USP40: variants seen among roughly 807,000 people sequenced by gnomAD.
USP40 encodes the protein ubiquitin carboxyl-terminal hydrolase 40.
Under a neutral mutation model 166.2 loss-of-function variants are expected in USP40, and 143 were observed. The observed-to-expected ratio is 0.86, with a 90% CI of 0.75 to 0.99. USP40 has a LOEUF of 0.99. Ranked by LOEUF, USP40 falls within the 50% of genes least tolerant of loss-of-function variation. The pLI is 0.00. For synonymous variants in USP40, 498 were observed against 524.0 expected, an observed-to-expected ratio of 0.95 and a Z score of 0.68; for missense variants, 1,444 against 1,479.7, an observed-to-expected ratio of 0.98 and a Z score of 0.40.
chr2:233,524,091 A>G (rs1470335921), intron 15 of USP40, among the ~76,000 whole-genome samples: 1 of 152,156 alleles, frequency 6.6e-6, no homozygotes, highest in Non-Finnish European at 1.5e-5. Flanking sequence ...TAGTTTTCTA[A>G]TATCTAATTG....
In USP40 at chr2:233,476,153, C is replaced by T. The variant is rs1236934348; in HGVS notation, c.*1239G>A. The stretch of plus-strand genomic sequence containing the variant: ...TGAGGGACAAAGCAGGCCGCTGGCT[C>T]AGCATCAGCTTGTTGGAAAAGGGTC... On this transcript the variant is annotated 3_prime_UTR_variant, in exon 32 of 32. Transcript: ENST00000678225. 6.6e-6 allele frequency: 1 copy of T among 152,426 alleles called. No individual in the cohort carries two copies. The highest frequency in any genetic ancestry group is 2.4e-5 in the African/African-American group (1 of 41,468). The allele number at this position is 152,426 out of a possible 1,614,324, so 9.4% of individuals were successfully genotyped here. A position where few individuals can be genotyped will look rare whatever the true frequency, so the allele number is the denominator to read the frequency against.
At chr2:233,517,603 G>A (rs1348911928) in intron 18 of USP40, among the ~76,000 whole-genome samples, 1 of 152,092 alleles carries the variant, frequency 6.6e-6, no homozygotes, top group Non-Finnish European at 1.5e-5. Context: ...TAGCCAGGAT[G>A]GTCTTGATCT....
intron 8 of USP40, chr2:233,542,659 C>A: frequency 8.4e-6 from 2 of 237,974 alleles, no homozygotes; most frequent in Non-Finnish European, 1.6e-5. Context: ...GCATGGATGA[C>A]ACAGAGCAAG....
chr2:233,559,068 C>T (rs1344175921), intron 4 of USP40, among the ~76,000 whole-genome samples: 1 of 152,198 alleles, frequency 6.6e-6, no homozygotes, highest in Non-Finnish European at 1.5e-5. Context: ...TGCAGGATTA[C>T]ATCCATCTAT....
chr2:233,550,299 C>T (rs1037372140), intron 7 of USP40, among the ~76,000 whole-genome samples: 3 of 152,010 alleles, frequency 2.0e-5, no homozygotes, highest in African/African-American at 7.2e-5. Context: ...ATGTGGACTT[C>T]CTATATAAGT....
chr2:233,534,407 C>CA (rs1302036326), intron 10 of USP40, among the ~76,000 whole-genome samples: 3 of 152,202 alleles, frequency 2.0e-5, no homozygotes, highest in African/African-American at 7.2e-5. Context: ...CCTATCCTCT[C>CA]ACTCTTTAAC....
At position 233,547,378 on chromosome 2, in the gene USP40, G is replaced by A. The variant is rs575593548; in HGVS notation, c.966+1723C>T. On this transcript the variant is annotated intron_variant, in intron 8 of 31. Transcript: ENST00000678225. ...TTACAGAACATGTATCTCTCAATAC[G>A]TTCCAAATACAACTGATAGAATGTC... Among the ~76,000 whole-genome samples, 9 of 152,088 alleles carry A rather than the reference G, an allele frequency of 5.9e-5. No homozygotes were observed. In the South Asian group the frequency reaches 8.3e-4, roughly 14 times the overall value.
chr2:233,533,999 TCGCTATGCCACAATCTAAAAAG>T (rs2068754423), intron 10 of USP40, among the ~76,000 whole-genome samples: 1 of 151,944 alleles, frequency 6.6e-6, no homozygotes, highest in African/African-American at 2.4e-5. Context: ...AGGGAGGAGG[TCGCTATGCCACAATCTAAAAAG>T]CATTTTGATT....
intron 30 of USP40, among the ~76,000 whole-genome samples, chr2:233,482,089 G>A (rs1168545810): frequency 6.6e-6 from 1 of 152,138 alleles, no homozygotes; most frequent in African/African-American, 2.4e-5. Context: ...TCTGCAGGAG[G>A]GTCTGGCTAC....
At chr2:233,491,466 C>T in intron 25 of USP40, 1 of 579,170 alleles carries the variant, frequency 1.7e-6, no homozygotes, top group Non-Finnish European at 3.1e-6. Flanking sequence ...GTCTGTGACA[C>T]TTATGCCCCT....
intron 5 of USP40, among the ~76,000 whole-genome samples, chr2:233,555,160 T>G (rs1419563859): frequency 6.6e-6 from 1 of 152,102 alleles, no homozygotes; most frequent in East Asian, 1.9e-4. Flanking sequence ...GCCACTGCAC[T>G]CCAGCCTGGG....
At chr2:233,531,891 C>T (rs2068555818) in intron 11 of USP40, among the ~76,000 whole-genome samples, 1 of 152,174 alleles carries the variant, frequency 6.6e-6, no homozygotes, top group African/African-American at 2.4e-5. Context: ...TGCCTGTAAT[C>T]CCAGTGAGGC....
At chr2:233,547,937 T>C (rs919425817) in intron 8 of USP40, among the ~76,000 whole-genome samples, 1 of 152,076 alleles carries the variant, frequency 6.6e-6, no homozygotes, top group Non-Finnish European at 1.5e-5. Flanking sequence ...AATGACAGCA[T>C]GTAGGGAGAC....
intron 11 of USP40, among the ~76,000 whole-genome samples, chr2:233,531,385 CA>C (rs1166172355): frequency 7.2e-5 from 11 of 152,158 alleles, no homozygotes; most frequent in African/African-American, 2.7e-4. Context: ...TCTATCCCTT[CA>C]TTCCCAAAAA....
rs1158427662 is a variant in USP40 at position 233,510,392 on chromosome 2, C to CTTTTTTTTTTT, written c.2527-268_2527-258dup. On this transcript the variant is annotated intron_variant, in intron 20 of 31. Transcript: ENST00000678225. ...CCACATACACTACTTCTTTTTCTTTCTTTTTTTTTTTTTTTTTTTTTTTTT... is the reference window on the plus strand; with the variant it reads ...CCACATACACTACTTCTTTTTCTTTCTTTTTTTTTTTTTTTTTTTTTTTTTTTTTTTTTTTT... Among the ~76,000 whole-genome samples, 144 of 68,678 alleles carry CTTTTTTTTTTT rather than the reference C, an allele frequency of 2.1e-3. 6 individuals are homozygous for CTTTTTTTTTTT. Among genetic ancestry groups the CTTTTTTTTTTT allele is most frequent in the African/African-American group, 3.5e-3 (51 of 14,698 alleles). 45.1% of individuals were successfully genotyped at this position (68,678 alleles called of 152,430 possible).
At chr2:233,535,684 A>G (rs922954635) in intron 10 of USP40, among the ~76,000 whole-genome samples, 12 of 152,222 alleles carry the variant, frequency 7.9e-5, no homozygotes, top group African/African-American at 2.4e-4. Context: ...CTTCAGAGAA[A>G]AATAACATAA....
chr2:233,559,960 T>C, intron 3 of USP40, 36 bp from the exon 4 acceptor site: 12 of 1,501,508 alleles, frequency 8.0e-6, no homozygotes, highest in African/African-American at 1.4e-5. Flanking sequence ...AAATGAATTC[T>C]TTAAGTGTTG....
At chr2:233,533,883 C>T (rs1397915051) in intron 10 of USP40, 104 bp from the exon 11 acceptor site, 1 of 1,209,136 alleles carries the variant, frequency 8.3e-7, no homozygotes, top group Non-Finnish European at 1.1e-6. Context: ...CATTTAACTT[C>T]ATCTTTATTT....
At chr2:233,531,474 A>G (rs1230940512) in intron 11 of USP40, among the ~76,000 whole-genome samples, 2 of 152,168 alleles carry the variant, frequency 1.3e-5, no homozygotes, top group Non-Finnish European at 2.9e-5. Context: ...TATTCCAATT[A>G]CGTACACACT....
Sources: gnomAD v4.1 joint callset for allele counts (sites outside exome capture counted in the v4.1 genomes callset) on GRCh38, gnomAD v4.1.1 for gene constraint, MANE v1.5 for transcripts, NCBI Gene and HGNC (gene_info 2026-07-23, HGNC 2026-07-21) for gene names.